The following ABCC1 variants were observed in gnomAD, a reference collection of about 807,000 sequenced individuals.
ABCC1 encodes multidrug resistance-associated protein 1.
Under a neutral mutation model 172.9 loss-of-function variants are expected in ABCC1, and 83 were observed. The observed-to-expected ratio is 0.48, with a 90% confidence interval of 0.40 to 0.58. The LOEUF (loss-of-function observed/expected upper bound fraction) is 0.58. ABCC1 is among the 20% of genes least tolerant of loss of function. ABCC1 has a pLI of 0.00. For synonymous variants in ABCC1, 937 were observed against 825.2 expected, an observed-to-expected ratio of 1.14 and a Z score of -2.32; for missense variants, 1,817 against 2,002.7, an observed-to-expected ratio of 0.91 and a Z score of 1.77.
chr16:16,030,126 T>A (rs895059778), intron 5 of ABCC1, among the ~76,000 whole-genome samples: 5 of 152,192 alleles, frequency 3.3e-5, no homozygotes, highest in African/African-American at 1.2e-4. Context: ...GTGGAGAAAA[T>A]ACTTGTTTCT....
intron 1 of ABCC1, among the ~76,000 whole-genome samples, chr16:15,951,752 C>T (rs867780202): frequency 3.9e-5 from 6 of 151,900 alleles, no homozygotes; most frequent in South Asian, 4.1e-4. Context: ...TGCAGTGGCA[C>T]GATCTCAGCT....
intron 5 of ABCC1, among the ~76,000 whole-genome samples, chr16:16,017,875 C>A (rs992296060): frequency 2.6e-5 from 4 of 151,908 alleles, no homozygotes; most frequent in African/African-American, 9.7e-5. Context: ...GAAGAGTGTT[C>A]CAGGCAGAGG....
At chr16:15,969,006 A>G (rs1184213477) in intron 1 of ABCC1, among the ~76,000 whole-genome samples, 1 of 151,954 alleles carries the variant, frequency 6.6e-6, no homozygotes, top group East Asian at 1.9e-4. Context: ...TCAGTAGTTC[A>G]AGGCCAGGCT....
chr16:16,141,452 G>C lies in ABCC1; in HGVS notation c.*171G>C. ...AGCAGCCACCGCCATCCGGTCCCCTGCCTGGAACTGGCTGTGAAGACCCAG... is the reference window on the plus strand; with the variant it reads ...AGCAGCCACCGCCATCCGGTCCCCTCCCTGGAACTGGCTGTGAAGACCCAG... On this transcript the variant is annotated 3_prime_UTR_variant, in exon 31 of 31. Coordinates refer to ENST00000399410, the MANE Select transcript of ABCC1 (RefSeq NM_004996.4). 1 of 620,134 alleles carries C rather than the reference G, an allele frequency of 1.6e-6. No individual in the cohort carries two copies. The highest frequency in any genetic ancestry group is 2.8e-6 in the Non-Finnish European group (1 of 355,528). 38.4% of individuals were successfully genotyped at this position (620,134 alleles called of 1,614,324 possible). A position where few individuals can be genotyped will look rare whatever the true frequency, so the allele number is the denominator to read the frequency against.
chr16:16,102,710 C>G lies in ABCC1; in HGVS notation c.2728C>G (p.Leu910Val). Residue 910 changes from leucine to valine, a missense_variant, in exon 20 of 31, where the codon CTG becomes GTG. Physicochemically the swap from Leu to Val is conservative, Grantham distance 32 (BLOSUM62 1). Transcript: ENST00000399410. ...GGTGACGGACAGTGCAGGGAAGCAA[C>G]TGCAGAGGTAAGGGCGGGGAGGAAG... The part of the protein sequence containing the change: ...MLVTDSAGKQ[L>V]QRQLSSSSSY... The G allele has an allele frequency of 1.3e-6, 2 of 1,578,522 alleles. No individual in the cohort carries two copies. Among genetic ancestry groups the G allele is most frequent in the Non-Finnish European group, 1.7e-6 (2 of 1,161,784 alleles).
chr16:16,114,945 A>C lies in ABCC1; in HGVS notation c.3259A>C (p.Ile1087Leu). ...GGAGCTGGACACAGTGGACTCCATG[A>C]TCCCGGAGGTCATCAAGATGTTCAT... ...SKELDTVDSM[I>L]PEVIKMFMGS... The change falls in exon 23 of 31, where the codon ATC becomes CTC. Residue 1087 changes from isoleucine to leucine, a missense_variant. By Grantham distance (5) the Ile-to-Leu change is conservative. This residue lies in a region of ABCC1 where 1,412 missense variants were observed against 1,600.3 expected (regional missense o/e 0.88). Transcript: ENST00000399410. 6.2e-7 allele frequency: 1 copy of C among 1,614,136 alleles called. No individual in the cohort carries two copies. The highest frequency in any genetic ancestry group is 8.5e-7 in the Non-Finnish European group (1 of 1,180,006).
intron 28 of ABCC1, among the ~76,000 whole-genome samples, 193 bp downstream of exon 28, chr16:16,134,701 A>G (rs912695714): frequency 2.1e-5 from 3 of 141,482 alleles, no homozygotes; most frequent in South Asian, 2.2e-4. Context: ...CGCTGGCGCA[A>G]TCTCAGCTCA....
intron 5 of ABCC1, among the ~76,000 whole-genome samples, chr16:16,024,775 A>G (rs1010546483): frequency 4.6e-5 from 7 of 152,154 alleles, no homozygotes; most frequent in African/African-American, 1.4e-4. Context: ...AAGAGGATAC[A>G]TTGGACATGG....
In ABCC1 at chr16:16,009,842, CG is replaced by C; in HGVS notation, c.296del (p.Gly99AlafsTer25). The C allele has an allele frequency of 6.2e-7, 1 of 1,611,788 alleles. No individual in the cohort carries two copies. The highest frequency in any genetic ancestry group is 8.5e-7 in the Non-Finnish European group (1 of 1,179,148). On this transcript the variant is annotated frameshift_variant, in exon 3 of 31. Transcript: ENST00000399410. LOFTEE classifies it high-confidence loss of function. Reference protein sequence around the residue: ...DLFYSFWERSRGIFLAPVFLV... With the variant: ...DLFYSFWERSXGIFLAPVFLV... ...CTTCTACTCTTTCTGGGAAAGAAGT[CG>C]GGGCATATTCCTGGCCCCAGTGTTT...
chr16:16,068,266 G>A lies in ABCC1; in HGVS notation c.1788G>A (p.Leu596=), dbSNP rs757737247. 2 of 1,614,086 alleles carry A rather than the reference G, an allele frequency of 1.2e-6. No individual in the cohort carries two copies. The highest frequency in any genetic ancestry group is 2.2e-5 in the South Asian group (2 of 91,076). The change falls in exon 13 of 31, where the codon CTG becomes CTA. Residue 596 remains leucine (L), a synonymous_variant. Transcript: ENST00000399410. ...TGTTCAACATCCTCCGGTTTCCCCT[G>A]AACATTCTCCCCATGGTCATCAGCA... ...LALFNILRFP[L]NILPMVISSI...
chr16:16,103,305 C>T (rs917126190), intron 20 of ABCC1, among the ~76,000 whole-genome samples: 12 of 152,136 alleles, frequency 7.9e-5, no homozygotes, highest in African/African-American at 2.7e-4. Flanking sequence ...GTCGGCCAGG[C>T]AGGGTGGCTC....
At position 16,059,918 on chromosome 16, in the gene ABCC1, C is replaced by T. The variant is rs374829320; in HGVS notation, c.1677+3623C>T. Among the ~76,000 whole-genome samples, 9 of 150,794 alleles carry T rather than the reference C, an allele frequency of 6.0e-5. No individual in the cohort carries two copies. The East Asian group carries it at 1.2e-3, about 20-fold the overall frequency. ...GGCTGAGGTACGGGAATCGTTTGAA[C>T]CCGGGAGGCGGAGATCGCAGCGAGC... On this transcript the variant is annotated intron_variant, in intron 12 of 30. Coordinates refer to ENST00000399410, the MANE Select transcript of ABCC1 (RefSeq NM_004996.4).
rs147967221 is a variant in ABCC1, at chr16:15,968,469, C to T, written c.48+18670C>T. 1.5e-3 allele frequency among the ~76,000 whole-genome samples: 231 copies of T among 151,866 alleles called. 5 individuals carry two copies. In the East Asian group the frequency reaches 0.036, roughly 23 times the overall value. ...ATTACCCAGGCTGGAGTGCAGGTGG[C>T]GTGATCTCTGCTCACTGCAGCCTTC... On this transcript the variant is annotated intron_variant, in intron 1 of 30. Coordinates refer to ENST00000399410, the MANE Select transcript of ABCC1 (RefSeq NM_004996.4).
intron 23 of ABCC1, among the ~76,000 whole-genome samples, chr16:16,120,714 G>C (rs547341007): frequency 6.6e-6 from 1 of 152,152 alleles, no homozygotes; most frequent in Non-Finnish European, 1.5e-5. Context: ...CAGGCGGCCT[G>C]TGTGCAGGGA....
rs192328636 is a variant in ABCC1, at chr16:16,054,308, C to T, written c.1473+1492C>T. ...TGTTTTGTGTGTGTGATATTATTACCATATCTGTTTTTACCTAAATGGGCC... is the reference window on the plus strand; with the variant it reads ...TGTTTTGTGTGTGTGATATTATTACTATATCTGTTTTTACCTAAATGGGCC... On this transcript the variant is annotated intron_variant, in intron 11 of 30. Coordinates refer to ENST00000399410, the MANE Select transcript of ABCC1 (RefSeq NM_004996.4). Among the ~76,000 whole-genome samples, 331 of 152,140 alleles carry T rather than the reference C, an allele frequency of 2.2e-3. 1 individual carries two copies. Among genetic ancestry groups the T allele is most frequent in the South Asian group, 5.6e-3 (27 of 4,806 alleles).
intron 1 of ABCC1, among the ~76,000 whole-genome samples, chr16:15,991,125 T>C (rs955498408): frequency 1.3e-5 from 2 of 152,004 alleles, no homozygotes; most frequent in African/African-American, 4.8e-5. Flanking sequence ...TCAGGGCCCA[T>C]GTGTGGCTGA....
chr16:16,074,849 T>C (rs2050492223), intron 14 of ABCC1, among the ~76,000 whole-genome samples: 1 of 152,198 alleles, frequency 6.6e-6, no homozygotes, highest in African/African-American at 2.4e-5. Flanking sequence ...AGTTATTTCT[T>C]CATTTGACAA....
chr16:16,119,904 G>A (rs1030475952), intron 23 of ABCC1, among the ~76,000 whole-genome samples: 6 of 152,176 alleles, frequency 3.9e-5, no homozygotes, highest in Non-Finnish European at 8.8e-5. Flanking sequence ...CTTCAGCCAT[G>A]CAGAGGGGTC....
intron 1 of ABCC1, among the ~76,000 whole-genome samples, chr16:15,960,759 T>C (rs1350293204): frequency 1.3e-5 from 2 of 152,076 alleles, no homozygotes; most frequent in Admixed American, 6.6e-5. Flanking sequence ...TGCATAGGCC[T>C]TGAGGAAGAT....
Sources: allele counts gnomAD v4.1 joint callset (sites outside exome capture counted in the v4.1 genomes callset), GRCh38; gene constraint gnomAD v4.1.1; regional missense constraint gnomAD v4.1.1; transcripts MANE v1.5; gene names NCBI Gene and HGNC (gene_info 2026-07-23, HGNC 2026-07-21).